The following SYNPR variants were observed in gnomAD, a reference collection of about 807,000 sequenced individuals.
SYNPR encodes synaptoporin.
Under a neutral mutation model 32.9 loss-of-function variants are expected in SYNPR, and 23 were observed. The ratio of observed to expected loss-of-function variants is 0.70; its 90% CI spans 0.50 to 0.99. The LOEUF is 0.99. Ranked by LOEUF, SYNPR falls within the 50% of genes least tolerant of loss-of-function variation. The probability of loss-of-function intolerance (pLI) is 0.00; values close to 1 mark genes in which losing one functional copy is unlikely to be tolerated. For missense variants in SYNPR, 318 were observed against 349.3 expected (o/e 0.91, Z 0.71); for synonymous variants, 146 against 135.9 (o/e 1.07, Z -0.52).
At chr3:63,282,535 A>C (rs1302937958) in intron 2 of SYNPR, among the ~76,000 whole-genome samples, 1 of 152,098 alleles carries the variant, frequency 6.6e-6, no homozygotes, top group Non-Finnish European at 1.5e-5. Flanking sequence ...GAAATTTAAA[A>C]AATTAGGCAT....
chr3:63,584,057 C>T (rs1703140197), intron 4 of SYNPR, among the ~76,000 whole-genome samples: 1 of 151,954 alleles, frequency 6.6e-6, no homozygotes, highest in African/African-American at 2.4e-5. Flanking sequence ...GGAATATTTG[C>T]GGGTGTGGAG....
chr3:63,582,137 T>A (rs367667197), intron 4 of SYNPR, among the ~76,000 whole-genome samples: 1 of 152,218 alleles, frequency 6.6e-6, no homozygotes, highest in Admixed American at 6.5e-5. Flanking sequence ...GAAAACACTT[T>A]CTATTTGGCT....
At chr3:63,267,410 G>A (rs4429622) in exon 3 of SYNPR, 12,010 of 152,280 alleles carry the variant, frequency 0.079, 1,364 homozygotes, top group African/African-American at 0.25. Context: ...TAAGTGAACC[G>A]TGAAGCAGAA....
At chr3:63,391,186 C>A (rs140139925) in intron 2 of SYNPR, among the ~76,000 whole-genome samples, 1 of 152,204 alleles carries the variant, frequency 6.6e-6, no homozygotes. Context: ...ATGGAGCTAT[C>A]TACCACTCAT....
At position 63,313,689 on chromosome 3, in the gene SYNPR, CCA is replaced by C. The variant is rs1491562767; in HGVS notation, c.84+34948_84+34949del. 9.1e-3 allele frequency among the ~76,000 whole-genome samples: 757 copies of C among 82,898 alleles called. 95 individuals are homozygous for C. Among genetic ancestry groups the C allele is most frequent in the African/African-American group, 0.011 (184 of 16,598 alleles). The allele number at this position is 82,898 out of a possible 152,430, so 54.4% of individuals were successfully genotyped here. On this transcript the variant is annotated intron_variant, in intron 2 of 5. Transcript: ENST00000478300. ...AACAGAAATTAATACACATATATAT[CCA>C]TATATATATATCCATATATATATAT...
At chr3:63,436,485 A>G (rs1700087418) in intron 2 of SYNPR, among the ~76,000 whole-genome samples, 1 of 152,000 alleles carries the variant, frequency 6.6e-6, no homozygotes, top group Admixed American at 6.5e-5. Flanking sequence ...TTTAGCTGTG[A>G]TATGTAAAAC....
chr3:63,334,601 C>T (rs191653639), intron 2 of SYNPR, among the ~76,000 whole-genome samples: 6 of 151,870 alleles, frequency 4.0e-5, no homozygotes, highest in South Asian at 2.1e-4. Context: ...GAGACCACTT[C>T]ACTAGTCACA....
In SYNPR at chr3:63,254,174, G is replaced by T. The variant is rs7646717; in HGVS notation, n.154+1588G>T. On this transcript the variant is annotated intron_variant and non_coding_transcript_variant, in intron 2 of 4. Transcript: ENST00000478456. ...CACACACCGGGGCGTGTTGTGGGGT[G>T]GGGGGAGAGGGAAGGGATAGCATTA... is the stretch of plus-strand genomic sequence containing the variant. Among the ~76,000 whole-genome samples the T allele has an allele frequency of 5.9e-5, 9 of 152,012 alleles. No individual in the cohort carries two copies. In the East Asian group the frequency reaches 1.2e-3, roughly 20 times the overall value.
intron 2 of SYNPR, among the ~76,000 whole-genome samples, chr3:63,309,197 T>C (rs187401853): frequency 3.5e-4 from 53 of 152,150 alleles, no homozygotes; most frequent in African/African-American, 1.3e-3. Context: ...AATTTGGGTT[T>C]TTGGTTGGTT....
At chr3:63,493,658 A>T (rs1169852621) in intron 3 of SYNPR, among the ~76,000 whole-genome samples, 2 of 151,868 alleles carry the variant, frequency 1.3e-5, no homozygotes, top group Non-Finnish European at 2.9e-5. Flanking sequence ...TCTACTGAAA[A>T]TACAAAAATT....
chr3:63,205,089 T>C, the SYNPR span, among the ~76,000 whole-genome samples: 1 of 152,180 alleles, frequency 6.6e-6, no homozygotes, highest in Non-Finnish European at 1.5e-5. Context: ...TTATATATTT[T>C]GTAGCATCCC....
chr3:63,271,065 CTCTTT>C (rs1458989528), intron 3 of SYNPR, among the ~76,000 whole-genome samples: 2 of 84,670 alleles, frequency 2.4e-5, no homozygotes, highest in African/African-American at 3.8e-5. Context: ...TCTACCTTCT[CTCTTT>C]TAAGTGTTTA....
chr3:63,543,662 A>T (rs1376417707), intron 3 of SYNPR, among the ~76,000 whole-genome samples: 2 of 152,016 alleles, frequency 1.3e-5, no homozygotes, highest in East Asian at 3.9e-4. Flanking sequence ...TTCCTATCAA[A>T]CCCTTGCTAG....
chr3:63,313,414 CT>C (rs2086990413), intron 2 of SYNPR, among the ~76,000 whole-genome samples: 1 of 151,524 alleles, frequency 6.6e-6, no homozygotes, highest in African/African-American at 2.4e-5. Context: ...ATTCTTACAC[CT>C]TTGCATCCTC....
intron 2 of SYNPR, among the ~76,000 whole-genome samples, chr3:63,409,978 G>C (rs936959283): frequency 1.3e-5 from 2 of 152,062 alleles, no homozygotes; most frequent in Non-Finnish European, 2.9e-5. Flanking sequence ...CCATTCACTA[G>C]CATCCTGGGA....
chr3:63,351,273 G>C (rs2087505073), intron 2 of SYNPR, among the ~76,000 whole-genome samples: 1 of 152,140 alleles, frequency 6.6e-6, no homozygotes, highest in Admixed American at 6.5e-5. Context: ...ACTTCATCCA[G>C]TTTCAGGGGT....
chr3:63,219,667 AAAGT>A, the SYNPR span, among the ~76,000 whole-genome samples: 2,187 of 152,332 alleles, frequency 0.014, 53 homozygotes, highest in African/African-American at 0.05. Context: ...TTATCGCAAT[AAAGT>A]AAGCTAGAGA....
intron 1 of SYNPR, among the ~76,000 whole-genome samples, chr3:63,234,649 AGAAGT>A: frequency 6.6e-6 from 1 of 152,364 alleles, no homozygotes. Context: ...GAAAAATGAA[AGAAGT>A]AGACTTTCTA....
chr3:63,400,784 T>C (rs2088280425), intron 2 of SYNPR, among the ~76,000 whole-genome samples: 1 of 152,158 alleles, frequency 6.6e-6, no homozygotes, highest in Non-Finnish European at 1.5e-5. Context: ...GGTTAACTCA[T>C]CAAATTGAAC....
Sources: gnomAD v4.1 joint callset for allele counts (sites outside exome capture counted in the v4.1 genomes callset) on GRCh38, gnomAD v4.1.1 for gene constraint, MANE v1.5 for transcripts, NCBI Gene and HGNC (gene_info 2026-07-23, HGNC 2026-07-21) for gene names.